The following TBX3 variants were observed in gnomAD, a reference collection of about 807,000 sequenced individuals.
TBX3 encodes the protein T-box transcription factor 3, also known as T-box transcription factor TBX3.
In TBX3, 11 loss-of-function variants were observed where a neutral mutation model predicts 47.8. The ratio of observed to expected loss-of-function variants is 0.23; its 90% CI spans 0.14 to 0.38. The LOEUF is 0.38. TBX3 is among the 10% of genes least tolerant of loss of function. TBX3 has a pLI of 1.00. For missense variants in TBX3, 927 were observed against 1,022.8 expected (o/e 0.91, Z 1.28); for synonymous variants, 500 against 449.3 (o/e 1.11, Z -1.43).
chr12:114,682,578 CTGTT>C (rs1015621323), intron 1 of TBX3, among the ~76,000 whole-genome samples: 4 of 151,598 alleles, frequency 2.6e-5, no homozygotes, highest in African/African-American at 9.7e-5. Flanking sequence ...AAAATTCTGT[CTGTT>C]CGGGAGGGAA....
chr12:114,679,783 G>A, intron 2 of TBX3, 132 bp from the exon 3 acceptor site: 7 of 1,526,904 alleles, frequency 4.6e-6, no homozygotes, highest in Non-Finnish European at 6.3e-6. Flanking sequence ...CACCTCCTTG[G>A]AGTACCCCCT....
At position 114,672,197 on chromosome 12, in the gene TBX3, G is replaced by T; in HGVS notation, c.1816C>A (p.His606Asn). The change falls in exon 7 of 7, where the codon CAC (histidine) becomes AAC (asparagine). Residue 606 changes from histidine to asparagine, a missense_variant. Around this residue, in one of 5 missense-constraint regions of TBX3, gnomAD observed 623 missense variants for 569.0 expected, o/e 1.09. Coordinates refer to ENST00000349155, the MANE Select transcript of TBX3 (RefSeq NM_005996.4). ...ATGGTGTTCAGATTGAGGAAGGGGT[G>T]GCGGTGCACCGAGCTGGAGGCTGCC... Reference protein sequence around the residue: ...SAAASSSVHRHPFLNLNTMRP... With the variant: ...SAAASSSVHRNPFLNLNTMRP... 6.4e-7 allele frequency: 1 copy of T among 1,572,024 alleles called. No individual in the cohort carries two copies. Among genetic ancestry groups the T allele is most frequent in the African/African-American group, 1.3e-5 (1 of 74,294 alleles).
At chr12:114,678,837 C>G (rs866189986) in intron 3 of TBX3, among the ~76,000 whole-genome samples, 2 of 152,116 alleles carry the variant, frequency 1.3e-5, no homozygotes, top group Non-Finnish European at 2.9e-5. Context: ...GGGGATCCTT[C>G]TAACCTCCAG....
rs1868418485 is a variant in TBX3 at position 114,671,457 on chromosome 12, GAC to G, written c.*382_*383del. 1.6e-5 allele frequency: 5 copies of G among 303,630 alleles called. No homozygotes were observed. The South Asian group carries it at 4.1e-4, about 25-fold the overall frequency. 18.8% of individuals were successfully genotyped at this position (303,630 alleles called of 1,614,324 possible). On this transcript the variant is annotated 3_prime_UTR_variant, in exon 7 of 7. Coordinates refer to ENST00000349155, the MANE Select transcript of TBX3 (RefSeq NM_005996.4). ...AAAGATTTTGTTTTTGTTTCCACTT[GAC>G]ACAGTGAAGGAAAAATATATATATA...
chr12:114,672,007 CCCGAGTCCACTGCCA>C lies in TBX3; in HGVS notation c.1991_2005del (p.Val664_Ser668del), dbSNP rs1565858049. 4 of 1,597,488 alleles carry C rather than the reference CCCGAGTCCACTGCCA, an allele frequency of 2.5e-6. No individual in the cohort carries two copies. Among genetic ancestry groups the C allele is most frequent in the East Asian group, 2.3e-5 (1 of 43,902 alleles). ...GGAGGAGCGGCTGTTGAGTTCAGAG[CCCGAGTCCACTGCCA>C]CCGAGGCCGGGCTGGCGGCCAGGGC... On this transcript the variant is annotated inframe_deletion, in exon 7 of 7. Transcript: ENST00000349155.
chr12:114,671,748 A>C lies in TBX3; in HGVS notation c.*93T>G. 1.1e-5 allele frequency: 16 copies of C among 1,464,336 alleles called. No homozygotes were observed. Among genetic ancestry groups the C allele is most frequent in the African/African-American group, 1.4e-5 (1 of 71,454 alleles). 90.7% of individuals were successfully genotyped at this position (1,464,336 alleles called of 1,614,324 possible). Reference sequence around the variant, plus strand: ...AGACGCAACTGCAAAAGGAAGGGCTAACGCCATGGCGGGCCCGTGGTTTAT... The same window carrying C: ...AGACGCAACTGCAAAAGGAAGGGCTCACGCCATGGCGGGCCCGTGGTTTAT... On this transcript the variant is annotated 3_prime_UTR_variant, in exon 7 of 7. Transcript: ENST00000349155.
chr12:114,677,691 G>A (rs965583891), intron 3 of TBX3, 35 bp from the exon 4 acceptor site: 3 of 1,597,940 alleles, frequency 1.9e-6, no homozygotes, highest in Non-Finnish European at 2.6e-6. Context: ...CAGAGACATT[G>A]TTCTCATTTT....
chr12:114,680,019 A>G (rs1262870266), intron 2 of TBX3: 2 of 1,600,458 alleles, frequency 1.2e-6, no homozygotes, highest in African/African-American at 2.7e-5. Flanking sequence ...AAAATGATTC[A>G]GTACTTTAAG....
At position 114,680,969 on chromosome 12, in the gene TBX3, G is replaced by A. The variant is rs2121153241; in HGVS notation, c.567C>T (p.Asp189=). 6.2e-7 allele frequency: 1 copy of A among 1,614,176 alleles called. No homozygotes were observed. The highest frequency in any genetic ancestry group is 8.5e-7 in the Non-Finnish European group (1 of 1,180,032). The change falls in exon 2 of 7, where the codon GAC becomes GAT. Residue 189 remains aspartate, a synonymous_variant. Transcript: ENST00000349155. ...EMPKRMYIHP[D]SPATGEQWMS... is the part of the protein sequence containing the mutation. ...TCCACTGTTCCCCAGTAGCGGGGCT[G>A]TCCGGGTGAATGTACATCCTCTTTG...
chr12:114,678,689 G>A (rs1868809494), intron 3 of TBX3, among the ~76,000 whole-genome samples: 1 of 152,138 alleles, frequency 6.6e-6, no homozygotes, highest in Admixed American at 6.5e-5. Flanking sequence ...TGCAGAGCAG[G>A]GGTCTTCAGT....
Position 114,675,664 on chromosome 12 carries a change from G to A in TBX3, c.1039+649C>T, listed in dbSNP as rs930878796. On this transcript the variant is annotated intron_variant, in intron 5 of 6. Coordinates refer to ENST00000349155, the MANE Select transcript of TBX3 (RefSeq NM_005996.4). The stretch of plus-strand genomic sequence containing the variant: ...TGTGTGTGTGTGTGTGTGTGTGTGT[G>A]TGTGTGTGTGTCTTTCCAAATAAAT... Among the ~76,000 whole-genome samples the A allele has an allele frequency of 4.8e-4, 43 of 90,062 alleles. 1 individual carries two copies. Among genetic ancestry groups the A allele is most frequent in the Admixed American group, 4.6e-3 (43 of 9,296 alleles). The allele number at this position is 90,062 out of a possible 152,430, so 59.1% of individuals were successfully genotyped here. A position where few individuals can be genotyped will look rare whatever the true frequency, so the allele number is the denominator to read the frequency against.
chr12:114,679,728 G>C lies in TBX3; in HGVS notation c.658-77C>G, dbSNP rs1018803816. ...AAACGGGATCTTAGGACCCCTGCCA[G>C]GCTGAAATCTTCCCCACCGCAGGGT... On this transcript the variant is annotated intron_variant, in intron 2 of 6. Coordinates refer to ENST00000349155, the MANE Select transcript of TBX3 (RefSeq NM_005996.4). The C allele has an allele frequency of 3.4e-5, 55 of 1,603,702 alleles. No homozygotes were observed. The African/African-American group carries it at 6.3e-4, about 18-fold the overall frequency.
At chr12:114,680,173 G>A in intron 2 of TBX3, 1 of 613,370 alleles carries the variant, frequency 1.6e-6, no homozygotes, top group African/African-American at 1.8e-5. Context: ...GCGTCTTCCT[G>A]GGCCTAATCT....
intron 6 of TBX3, among the ~76,000 whole-genome samples, chr12:114,673,819 G>A (rs1301204635): frequency 6.6e-6 from 1 of 152,224 alleles, no homozygotes; most frequent in Non-Finnish European, 1.5e-5. Flanking sequence ...TAAAGTGGAG[G>A]TGATAATAGT....
chr12:114,680,239 G>T, intron 2 of TBX3: 1 of 501,716 alleles, frequency 2.0e-6, no homozygotes, highest in South Asian at 2.2e-5. Context: ...TTGGGGAGGG[G>T]TAGGAAAAGG....
In TBX3 at chr12:114,670,432, A is replaced by T. The variant is rs1296484504; in HGVS notation, c.*1409T>A. On this transcript the variant is annotated 3_prime_UTR_variant, in exon 7 of 7. Coordinates refer to ENST00000349155, the MANE Select transcript of TBX3 (RefSeq NM_005996.4). ...TGTGAATATATCTCTATAGGCAGGC[A>T]CCAATTCAAAACACCGATACTGACA... 3 of 217,910 alleles carry T rather than the reference A, an allele frequency of 1.4e-5. No individual in the cohort carries two copies. The highest frequency in any genetic ancestry group is 2.8e-5 in the Non-Finnish European group (3 of 108,488). The allele number at this position is 217,910 out of a possible 1,614,324, so 13.5% of individuals were successfully genotyped here.
At chr12:114,680,668 G>A in intron 2 of TBX3, 1 of 707,048 alleles carries the variant, frequency 1.4e-6, no homozygotes, top group East Asian at 2.7e-5. Context: ...ACACAAGCCG[G>A]TAAGTTTTCT....
At chr12:114,681,414 C>A (rs1307028893) in intron 1 of TBX3, among the ~76,000 whole-genome samples, 5 of 152,160 alleles carry the variant, frequency 3.3e-5, no homozygotes, top group African/African-American at 4.8e-5. Context: ...CATTGTCTAA[C>A]AATTTCTTCA....
In TBX3 at chr12:114,671,930, C is replaced by T. The variant is rs1565857960; in HGVS notation, c.2083G>A (p.Glu695Lys). 3.1e-6 allele frequency: 5 copies of T among 1,590,790 alleles called. No homozygotes were observed. The East Asian group carries it at 9.2e-5, about 29-fold the overall frequency. Residue 695 changes from glutamate to lysine, a missense_variant, in exon 7 of 7, where the codon GAG becomes AAG. Physicochemically the swap from Glu to Lys is moderately conservative, Grantham distance 56. This residue lies in a region of TBX3 where 623 missense variants were observed against 569.0 expected (regional missense o/e 1.09). Coordinates refer to ENST00000349155, the MANE Select transcript of TBX3 (RefSeq NM_005996.4). ...CTCTGCAGTTCGCTGGTGGCCGCCT[C>T]TTTCTCCGCGCAGAGTTTGGGCGAC... Reference protein sequence around the residue: ...SLSPKLCAEKEAATSELQSIQ... With the variant: ...SLSPKLCAEKKAATSELQSIQ...
Sources: allele counts gnomAD v4.1 joint callset (sites outside exome capture counted in the v4.1 genomes callset), GRCh38; gene constraint gnomAD v4.1.1; regional missense constraint gnomAD v4.1.1; transcripts MANE v1.5; gene names NCBI Gene and HGNC (gene_info 2026-07-23, HGNC 2026-07-21).